PDZD2: variants seen among roughly 807,000 people sequenced by gnomAD.
PDZD2 encodes PDZ domain-containing protein 2.
In PDZD2, 90 loss-of-function variants were observed where a neutral mutation model predicts 220.7. The ratio of observed to expected loss-of-function variants is 0.41; its 90% confidence interval spans 0.34 to 0.49. The LOEUF (loss-of-function observed/expected upper bound fraction) is 0.49, where lower values mean the gene tolerates loss of function less well. PDZD2 is among the 20% of genes least tolerant of loss of function. PDZD2 has a pLI of 0.28. For synonymous variants in PDZD2, 1,375 were observed against 1,450.5 expected (o/e 0.95, Z 1.18); for missense variants, 3,174 against 3,608.5 (o/e 0.88, Z 3.08).
Position 32,090,209 on chromosome 5 carries a change from C to T in PDZD2, c.6761C>T (p.Thr2254Ile). 1 of 1,614,136 alleles carries T rather than the reference C, an allele frequency of 6.2e-7. No individual in the cohort carries two copies. The highest frequency in any genetic ancestry group is 8.5e-7 in the Non-Finnish European group (1 of 1,180,004). Residue 2254 changes from threonine to isoleucine, a missense_variant, in exon 20 of 25, where the codon ACA (threonine) becomes ATA (isoleucine). Coordinates refer to ENST00000438447, the MANE Select transcript of PDZD2 (RefSeq NM_178140.4). The surrounding 1 kb of genome is among the most constrained non-coding windows in gnomAD (Gnocchi z 4.3). Reference protein sequence around the residue: ...GRSRDSQVPVTSSVVPEAKAS... With the variant: ...GRSRDSQVPVISSVVPEAKAS... The stretch of plus-strand genomic sequence containing the variant: ...TCTCGGGACAGCCAGGTCCCTGTGA[C>T]AAGCAGTGTTGTCCCCGAGGCAAAG...
At chr5:31,891,127 C>CATTTTTT (rs1561545899) in intron 2 of PDZD2, among the ~76,000 whole-genome samples, 3 of 96,420 alleles carry the variant, frequency 3.1e-5, no homozygotes, top group African/African-American at 4.5e-5. Flanking sequence ...GGGGTTTTTC[C>CATTTTTT]TTTTTTTTTT....
At chr5:31,855,632 C>T (rs917846082) in intron 2 of PDZD2, among the ~76,000 whole-genome samples, 1 of 152,190 alleles carries the variant, frequency 6.6e-6, no homozygotes, top group African/African-American at 2.4e-5. Context: ...ATGACTGAGA[C>T]GGAGCAAAGC....
intron 2 of PDZD2, among the ~76,000 whole-genome samples, chr5:31,858,294 C>T (rs1035454337): frequency 2.0e-5 from 3 of 152,154 alleles, no homozygotes; most frequent in African/African-American, 4.8e-5. Context: ...AAAAAAATTC[C>T]TTCCTTCTCC....
At chr5:32,051,099 C>G (rs1738501425) in intron 8 of PDZD2, among the ~76,000 whole-genome samples, 1 of 152,118 alleles carries the variant, frequency 6.6e-6, no homozygotes, top group African/African-American at 2.4e-5. Flanking sequence ...TTGGTGAAGC[C>G]TACAGGCCTT....
intron 2 of PDZD2, among the ~76,000 whole-genome samples, chr5:31,893,383 C>T (rs969628013): frequency 6.6e-5 from 10 of 152,112 alleles, no homozygotes; most frequent in Non-Finnish European, 2.9e-5. Context: ...CCAGCCTGGG[C>T]AACATGGTGA....
chr5:32,023,993 A>G (rs1030870806), intron 6 of PDZD2, among the ~76,000 whole-genome samples: 3 of 152,190 alleles, frequency 2.0e-5, no homozygotes, highest in African/African-American at 4.8e-5. Flanking sequence ...CATCTACACT[A>G]CCTGCCCGTT....
chr5:31,941,625 G>A (rs139373474), intron 2 of PDZD2, among the ~76,000 whole-genome samples: 1 of 152,168 alleles, frequency 6.6e-6, no homozygotes, highest in Non-Finnish European at 1.5e-5. Flanking sequence ...TGAAATGTAC[G>A]TACTTGGGGA....
rs974595271 is a variant in PDZD2 at position 32,082,286 on chromosome 5, T to A, written c.3682+4680T>A. On this transcript the variant is annotated intron_variant, in intron 19 of 24. Coordinates refer to ENST00000438447, the MANE Select transcript of PDZD2 (RefSeq NM_178140.4). The stretch of plus-strand genomic sequence containing the variant: ...ATCCACCCACCTCAGCCTCCCAAAG[T>A]GCTGGGATTACAGGCATAAGCCGCT... 3.9e-5 allele frequency among the ~76,000 whole-genome samples: 6 copies of A among 152,224 alleles called. 1 individual carries two copies. The highest frequency in any genetic ancestry group is 1.3e-4 in the Admixed American group (2 of 15,284).
intron 1 of PDZD2, among the ~76,000 whole-genome samples, chr5:31,750,959 T>C (rs1314282516): frequency 6.6e-6 from 1 of 151,398 alleles, no homozygotes; most frequent in African/African-American, 2.4e-5. Flanking sequence ...AAGAGAAGCA[T>C]GGGCCAGGCA....
chr5:32,030,031 C>G (rs187491794), intron 6 of PDZD2, among the ~76,000 whole-genome samples: 3 of 152,330 alleles, frequency 2.0e-5, no homozygotes, highest in Non-Finnish European at 4.4e-5. Flanking sequence ...CAAGTGCTTT[C>G]TGTGTGTATT....
intron 1 of PDZD2, among the ~76,000 whole-genome samples, chr5:31,774,476 G>A (rs1752519881): frequency 6.6e-6 from 1 of 152,122 alleles, no homozygotes; most frequent in African/African-American, 2.4e-5. Context: ...CACTTTGGGA[G>A]ACTGAGGCAG....
intron 3 of PDZD2, among the ~76,000 whole-genome samples, chr5:31,986,096 A>AG: frequency 6.6e-6 from 1 of 151,386 alleles, no homozygotes; most frequent in Middle Eastern, 3.4e-3. Context: ...AAAAAAAAAA[A>AG]AATTGAACTT....
chr5:31,654,099 A>G (rs1745455748), intron 1 of PDZD2, among the ~76,000 whole-genome samples: 3 of 152,210 alleles, frequency 2.0e-5, no homozygotes, highest in South Asian at 2.1e-4. Context: ...ATATGTTTTA[A>G]GCTGAGTCCA....
At chr5:31,931,053 C>G (rs1745237745) in intron 2 of PDZD2, among the ~76,000 whole-genome samples, 1 of 152,124 alleles carries the variant, frequency 6.6e-6, no homozygotes, top group Non-Finnish European at 1.5e-5. Flanking sequence ...GGCAGGGTCT[C>G]ACTCTTTTGC....
intron 2 of PDZD2, among the ~76,000 whole-genome samples, chr5:31,941,318 C>T (rs1215697855): frequency 6.6e-6 from 1 of 152,210 alleles, no homozygotes; most frequent in Non-Finnish European, 1.5e-5. Context: ...TCCCAGACGA[C>T]TGCCCATGGG....
At chr5:31,650,364 C>T (rs901642319) in intron 1 of PDZD2, among the ~76,000 whole-genome samples, 1 of 152,178 alleles carries the variant, frequency 6.6e-6, no homozygotes, top group Non-Finnish European at 1.5e-5. Context: ...CCAGATCTCT[C>T]TGTCTACTAA....
chr5:31,840,125 T>A (rs1456035330), intron 2 of PDZD2, among the ~76,000 whole-genome samples: 2 of 151,860 alleles, frequency 1.3e-5, no homozygotes, highest in Non-Finnish European at 2.9e-5. Context: ...CTACTCAGAA[T>A]GCTGAGGTGT....
chr5:31,854,915 AGG>A, intron 2 of PDZD2: 5 of 919,170 alleles, frequency 5.4e-6, no homozygotes, highest in Non-Finnish European at 6.5e-6. Context: ...CGGAGGGAGG[AGG>A]GGGGGGTCCT....
chr5:31,864,759 T>C (rs902630819), intron 2 of PDZD2, among the ~76,000 whole-genome samples: 1 of 150,118 alleles, frequency 6.7e-6, no homozygotes, highest in African/African-American at 2.5e-5. Flanking sequence ...TCAGGTGATC[T>C]CACCTCAGAC....
Sources: allele counts gnomAD v4.1 joint callset (sites outside exome capture counted in the v4.1 genomes callset), GRCh38; gene constraint gnomAD v4.1.1; non-coding constraint Gnocchi (gnomAD v3.1); transcripts MANE v1.5; gene names NCBI Gene and HGNC (gene_info 2026-07-23, HGNC 2026-07-21).